The following BCAS1 variants were observed in gnomAD, a reference collection of about 807,000 sequenced individuals.
BCAS1 encodes the protein brain enriched myelin associated protein 1.
In BCAS1, 46 loss-of-function variants were observed where a neutral mutation model predicts 65.4. The observed-to-expected ratio is 0.70, with a 90% CI of 0.55 to 0.90. BCAS1 has a LOEUF of 0.90. Ranked by LOEUF, BCAS1 falls within the 40% of genes least tolerant of loss-of-function variation. The pLI is 0.00. For missense variants in BCAS1, 793 were observed against 771.2 expected, an observed-to-expected ratio of 1.03 and a Z score of -0.33; for synonymous variants, 298 against 293.5, an observed-to-expected ratio of 1.02 and a Z score of -0.16.
intron 4 of BCAS1, among the ~76,000 whole-genome samples, chr20:54,023,992 C>T (rs2091616903): frequency 6.6e-6 from 1 of 152,160 alleles, no homozygotes; most frequent in African/African-American, 2.4e-5. Flanking sequence ...GCTAATTTCT[C>T]TTTTTCTTCT....
At chr20:54,016,620 C>T (rs188301053) in intron 4 of BCAS1, among the ~76,000 whole-genome samples, 6 of 152,232 alleles carry the variant, frequency 3.9e-5, no homozygotes, top group East Asian at 3.9e-4. Flanking sequence ...CAAAGCGCCA[C>T]GGTGGAAACA....
chr20:53,967,379 A>T (rs895595199), intron 9 of BCAS1, among the ~76,000 whole-genome samples: 1 of 152,160 alleles, frequency 6.6e-6, no homozygotes, highest in African/African-American at 2.4e-5. Flanking sequence ...CAAATCTAGT[A>T]AGCCCACCTC....
At chr20:54,043,336 A>AT (rs67851543) in intron 3 of BCAS1, among the ~76,000 whole-genome samples, 27,858 of 151,518 alleles carry the variant, frequency 0.18, 2,629 homozygotes, top group East Asian at 0.31. Context: ...GATGACGATG[A>AT]TTTTTTTTAT....
chr20:53,999,272 C>T (rs1296341045), intron 4 of BCAS1, among the ~76,000 whole-genome samples: 1 of 152,162 alleles, frequency 6.6e-6, no homozygotes, highest in African/African-American at 2.4e-5. Flanking sequence ...GTCATCCTTA[C>T]GTCTTAAACA....
chr20:54,044,757 G>A (rs961467287), intron 3 of BCAS1, among the ~76,000 whole-genome samples: 8 of 151,042 alleles, frequency 5.3e-5, no homozygotes, highest in Admixed American at 5.3e-4. Context: ...ACAATCGCTT[G>A]AACCCAGGAG....
intron 1 of BCAS1, among the ~76,000 whole-genome samples, chr20:54,068,759 T>C (rs2092476829): frequency 1.3e-5 from 2 of 152,130 alleles, no homozygotes; most frequent in Admixed American, 6.5e-5. Flanking sequence ...ACTCAAATCC[T>C]GAACTGCTTC....
chr20:53,994,961 C>T, intron 6 of BCAS1, 51 bp downstream of exon 6: 1 of 1,532,676 alleles, frequency 6.5e-7, no homozygotes, highest in Non-Finnish European at 9.0e-7. Flanking sequence ...AATCCAAATC[C>T]AATTCTATGC....
chr20:53,951,176 A>T (rs575021618), intron 12 of BCAS1, among the ~76,000 whole-genome samples: 1 of 152,304 alleles, frequency 6.6e-6, no homozygotes, highest in African/African-American at 2.4e-5. Flanking sequence ...CATGGGTTAA[A>T]AACGTGTAAA....
chr20:54,050,177 C>A (rs1405892661), intron 3 of BCAS1, among the ~76,000 whole-genome samples: 4 of 152,176 alleles, frequency 2.6e-5, no homozygotes, highest in Non-Finnish European at 4.4e-5. Context: ...CATAATCACA[C>A]CTTTTCCTAC....
chr20:53,961,191 T>TAG (rs2089868169), intron 10 of BCAS1, among the ~76,000 whole-genome samples: 1 of 152,242 alleles, frequency 6.6e-6, no homozygotes, highest in South Asian at 2.1e-4. Context: ...TATTCAAAAA[T>TAG]CTAGCAAAAG....
intron 3 of BCAS1, among the ~76,000 whole-genome samples, chr20:54,048,347 T>C (rs563390845): frequency 1.3e-5 from 2 of 152,262 alleles, no homozygotes; most frequent in East Asian, 1.9e-4. Context: ...GCCCCAACCA[T>C]GTATTATTAT....
At chr20:53,957,307 T>A (rs973174757) in intron 11 of BCAS1, 125 bp downstream of exon 11, 7 of 824,546 alleles carry the variant, frequency 8.5e-6, no homozygotes, top group Non-Finnish European at 1.2e-5. Flanking sequence ...TGGCATATAG[T>A]AGGTGCTTAA....
intron 7 of BCAS1, among the ~76,000 whole-genome samples, chr20:53,986,811 G>T (rs181293281): frequency 2.0e-5 from 3 of 152,268 alleles, no homozygotes; most frequent in African/African-American, 7.2e-5. Flanking sequence ...CAGGAGGATT[G>T]CTTGAGTCCA....
chr20:54,005,802 G>A (rs539187221), intron 4 of BCAS1, among the ~76,000 whole-genome samples: 7 of 152,300 alleles, frequency 4.6e-5, no homozygotes, highest in African/African-American at 7.2e-5. Flanking sequence ...GGAGGAATGC[G>A]GGATGGTGAT....
intron 9 of BCAS1, among the ~76,000 whole-genome samples, chr20:53,971,402 A>C (rs1031438239): frequency 3.9e-5 from 6 of 152,272 alleles, no homozygotes; most frequent in African/African-American, 1.4e-4. Context: ...CATGAGTGAG[A>C]AAAGAAAAAA....
intron 8 of BCAS1, among the ~76,000 whole-genome samples, chr20:53,982,431 A>C (rs1215875363): frequency 2.0e-5 from 3 of 152,326 alleles, no homozygotes; most frequent in African/African-American, 7.2e-5. Flanking sequence ...TCTAGCAATA[A>C]AGACTATAAA....
chr20:54,067,020 C>A (rs2092452148), intron 1 of BCAS1, among the ~76,000 whole-genome samples: 1 of 152,188 alleles, frequency 6.6e-6, no homozygotes, highest in South Asian at 2.1e-4. Flanking sequence ...ATATTTCCTG[C>A]ATATTCATTC....
At chr20:54,016,605 A>G (rs1429432918) in intron 4 of BCAS1, among the ~76,000 whole-genome samples, 1 of 152,266 alleles carries the variant, frequency 6.6e-6, no homozygotes, top group Non-Finnish European at 1.5e-5. Flanking sequence ...AAAATTGCAT[A>G]CTGCCAAAGC....
At chr20:54,014,707 C>G (rs1214434163) in intron 4 of BCAS1, among the ~76,000 whole-genome samples, 1 of 152,180 alleles carries the variant, frequency 6.6e-6, no homozygotes, top group African/African-American at 2.4e-5. Flanking sequence ...TCCTTTCCAT[C>G]TGTCAGAAAT....
Sources: allele counts gnomAD v4.1 joint callset (sites outside exome capture counted in the v4.1 genomes callset), GRCh38; gene constraint gnomAD v4.1.1; transcripts MANE v1.5; gene names NCBI Gene and HGNC (gene_info 2026-07-23, HGNC 2026-07-21).